CNTN5: variants seen among roughly 807,000 people sequenced by gnomAD.
CNTN5 encodes contactin-5.
CNTN5 carries 77 observed loss-of-function variants against 129.1 expected under a neutral mutation model. The ratio of observed to expected loss-of-function variants is 0.60; its 90% confidence interval spans 0.50 to 0.72. CNTN5 has a LOEUF of 0.72. Among genes scored for constraint, CNTN5 ranks in the 30% least tolerant of loss-of-function variants. The pLI is 0.00. For missense variants in CNTN5, 1,478 were observed against 1,328.8 expected (o/e 1.11, Z -1.75); for synonymous variants, 509 against 465.6 (o/e 1.09, Z -1.20).
intron 1 of CNTN5, among the ~76,000 whole-genome samples, chr11:99,201,400 CT>C (rs1859197652): frequency 1.8e-5 from 1 of 54,830 alleles, no homozygotes; most frequent in Non-Finnish European, 3.5e-5. Flanking sequence ...CCTTCCTTCC[CT>C]TCTTTCTTCC....
chr11:99,671,723 GAATT>G (rs1297308603), intron 3 of CNTN5, among the ~76,000 whole-genome samples: 1 of 151,994 alleles, frequency 6.6e-6, no homozygotes, highest in African/African-American at 2.4e-5. Flanking sequence ...AAATTCTTCA[GAATT>G]AATCTATTAC....
intron 1 of CNTN5, among the ~76,000 whole-genome samples, chr11:99,297,276 G>A (rs911043186): frequency 2.0e-5 from 3 of 152,146 alleles, no homozygotes; most frequent in Admixed American, 6.5e-5. Flanking sequence ...CCATTGAAGC[G>A]ACACTGAAAA....
At chr11:99,243,654 G>T (rs1167120967) in intron 1 of CNTN5, among the ~76,000 whole-genome samples, 1 of 151,510 alleles carries the variant, frequency 6.6e-6, no homozygotes, top group Non-Finnish European at 1.5e-5. Flanking sequence ...TGAAAGGCGG[G>T]GTTCCAGTTT....
At chr11:99,428,767 A>T (rs1194768184) in intron 2 of CNTN5, among the ~76,000 whole-genome samples, 1 of 152,072 alleles carries the variant, frequency 6.6e-6, no homozygotes, top group African/African-American at 2.4e-5. Flanking sequence ...TTACTTAGAA[A>T]AACTGCAGTA....
intron 17 of CNTN5, among the ~76,000 whole-genome samples, chr11:100,258,023 G>A (rs1245684899): frequency 6.6e-6 from 1 of 152,088 alleles, no homozygotes; most frequent in East Asian, 1.9e-4. Context: ...CCAATGCAAG[G>A]AAGCTAAGAA....
At chr11:99,834,429 G>C (rs1376034867) in intron 4 of CNTN5, among the ~76,000 whole-genome samples, 1 of 152,142 alleles carries the variant, frequency 6.6e-6, no homozygotes, top group Non-Finnish European at 1.5e-5. Context: ...GGGAGGCTAA[G>C]GTAGAAAGAT....
chr11:99,618,734 C>T (rs1950837479), intron 3 of CNTN5, among the ~76,000 whole-genome samples: 1 of 151,990 alleles, frequency 6.6e-6, no homozygotes, highest in African/African-American at 2.4e-5. Context: ...TCTGTTATAC[C>T]AGGCTAATAC....
intron 1 of CNTN5, among the ~76,000 whole-genome samples, chr11:99,054,525 C>T (rs1305339731): frequency 6.6e-6 from 1 of 151,768 alleles, no homozygotes; most frequent in Non-Finnish European, 1.5e-5. Flanking sequence ...CTATTGTTGG[C>T]AATAAAGCAG....
At chr11:99,735,974 T>A (rs1045615809) in intron 3 of CNTN5, among the ~76,000 whole-genome samples, 2 of 152,190 alleles carry the variant, frequency 1.3e-5, no homozygotes, top group African/African-American at 4.8e-5. Context: ...CTGCTCTGCT[T>A]CTACGAACTG....
At position 99,911,031 on chromosome 11, in the gene CNTN5, G is replaced by A. The variant is rs144629094; in HGVS notation, c.578-5023G>A. On this transcript the variant is annotated intron_variant, in intron 6 of 24. Transcript: ENST00000524871. ...GAAGTCATAGAAATTAAAGTTGAAGGCCTCTCATGTTGAGAAGCCAGCTCA... is the reference window on the plus strand; with the variant it reads ...GAAGTCATAGAAATTAAAGTTGAAGACCTCTCATGTTGAGAAGCCAGCTCA... Among the ~76,000 whole-genome samples the A allele has an allele frequency of 6.2e-3, 939 of 152,064 alleles. 7 individuals carry two copies. The highest frequency in any genetic ancestry group is 0.021 in the African/African-American group (870 of 41,510).
At chr11:99,589,990 T>C (rs2135663395) in intron 3 of CNTN5, among the ~76,000 whole-genome samples, 1 of 152,228 alleles carries the variant, frequency 6.6e-6, no homozygotes, top group South Asian at 2.1e-4. Context: ...AGAAGAATGA[T>C]TTACGGAGAG....
intron 1 of CNTN5, among the ~76,000 whole-genome samples, chr11:99,094,424 A>G (rs918675850): frequency 1.3e-5 from 2 of 151,998 alleles, no homozygotes; most frequent in African/African-American, 2.4e-5. Context: ...TAAACTCTGA[A>G]ATAAATGTAA....
intron 8 of CNTN5, among the ~76,000 whole-genome samples, chr11:99,981,031 A>G (rs6590472): frequency 0.4 from 56,225 of 142,188 alleles, 12,465 homozygotes; most frequent in African/African-American, 0.6. Context: ...TGATAATTCA[A>G]TCTACCTGTA....
At chr11:100,252,693 G>A (rs904071227) in intron 16 of CNTN5, among the ~76,000 whole-genome samples, 1 of 152,102 alleles carries the variant, frequency 6.6e-6, no homozygotes, top group Admixed American at 6.6e-5. Flanking sequence ...AATGAGGTCT[G>A]ATCTGAAGGC....
At chr11:99,397,688 C>T (rs915960934) in intron 2 of CNTN5, among the ~76,000 whole-genome samples, 1 of 151,504 alleles carries the variant, frequency 6.6e-6, no homozygotes, top group Admixed American at 6.6e-5. Context: ...GTTTGTTTTG[C>T]TTGTTTGTTT....
intron 6 of CNTN5, among the ~76,000 whole-genome samples, chr11:99,861,853 G>C (rs1011635155): frequency 6.2e-4 from 95 of 152,088 alleles, no homozygotes; most frequent in Non-Finnish European, 1.5e-4. Flanking sequence ...CTATTTTCTA[G>C]CATCAAAAAT....
At chr11:100,114,617 T>G (rs537461697) in intron 13 of CNTN5, among the ~76,000 whole-genome samples, 1 of 152,230 alleles carries the variant, frequency 6.6e-6, no homozygotes, top group South Asian at 2.1e-4. Flanking sequence ...TGGGACCAAA[T>G]TTTTAGCCCC....
intron 13 of CNTN5, among the ~76,000 whole-genome samples, chr11:100,177,879 ACT>A (rs1948019736): frequency 6.6e-6 from 1 of 152,104 alleles, no homozygotes; most frequent in Non-Finnish European, 1.5e-5. Context: ...CTATGTAGCC[ACT>A]GTTTTTCTCG....
intron 1 of CNTN5, among the ~76,000 whole-genome samples, chr11:99,163,984 A>G (rs1021004864): frequency 6.6e-6 from 1 of 152,230 alleles, no homozygotes; most frequent in Non-Finnish European, 1.5e-5. Flanking sequence ...TAAAAAGCTC[A>G]GCTGACTTAT....
Sources: allele counts gnomAD v4.1 joint callset (sites outside exome capture counted in the v4.1 genomes callset), GRCh38; gene constraint gnomAD v4.1.1; transcripts MANE v1.5; gene names NCBI Gene and HGNC (gene_info 2026-07-23, HGNC 2026-07-21).